Variants in CTNND2 observed in about 807,000 individuals in gnomAD.
CTNND2 encodes catenin delta 2, also known as catenin delta-2.
A neutral mutation model predicts 144.4 loss-of-function variants in CTNND2; 22 were observed. The ratio of observed to expected loss-of-function variants is 0.15; its 90% CI spans 0.11 to 0.22. The LOEUF (loss-of-function observed/expected upper bound fraction) is 0.22. CTNND2 is among the 10% of genes least tolerant of loss of function. CTNND2 has a pLI of 1.00. For synonymous variants in CTNND2, 751 were observed against 695.6 expected (o/e 1.08, Z -1.25); for missense variants, 1,353 against 1,618.8 (o/e 0.84, Z 2.82).
intron 17 of CTNND2, 147 bp downstream of exon 17, chr5:11,022,622 G>A (rs1411198304): frequency 1.5e-6 from 1 of 666,548 alleles, no homozygotes; most frequent in East Asian, 2.7e-5. Context: ...GAGAAGACTG[G>A]AAACCATTTG....
At chr5:11,240,386 T>TCACACACACACCCAACA (rs1211603571) in intron 9 of CTNND2, among the ~76,000 whole-genome samples, 1 of 93,834 alleles carries the variant, frequency 1.1e-5, no homozygotes, top group Non-Finnish European at 2.0e-5. Flanking sequence ...ACACATACAC[T>TCACACACACACCCAACA]CACACACCCA....
intron 15 of CTNND2, among the ~76,000 whole-genome samples, chr5:11,097,040 A>C (rs991474989): frequency 2.6e-5 from 4 of 152,174 alleles, no homozygotes; most frequent in Non-Finnish European, 5.9e-5. Flanking sequence ...CCATCCTTGC[A>C]TCCAGCGTTG....
At chr5:11,668,205 C>G (rs1024019920) in intron 2 of CTNND2, among the ~76,000 whole-genome samples, 6 of 152,112 alleles carry the variant, frequency 3.9e-5, no homozygotes, top group Admixed American at 3.3e-4. Context: ...GCATGATGCC[C>G]TAGCTTTGTT....
At position 11,832,075 on chromosome 5, in the gene CTNND2, A is replaced by G. The variant is rs149706774; in HGVS notation, c.37+71742T>C. Among the ~76,000 whole-genome samples the G allele has an allele frequency of 5.7e-3, 862 of 152,096 alleles. 8 individuals are homozygous for G. Among genetic ancestry groups the G allele is most frequent in the African/African-American group, 0.019 (796 of 41,478 alleles). ...TAGACAGGTGGATCATGAGGTCAAG[A>G]GATCGAGACCATCCTGGCTAACATG... On this transcript the variant is annotated intron_variant, in intron 1 of 21. Transcript: ENST00000304623.
intron 3 of CTNND2, among the ~76,000 whole-genome samples, chr5:11,471,103 G>A (rs1767188539): frequency 6.6e-6 from 1 of 150,628 alleles, no homozygotes; most frequent in South Asian, 2.1e-4. Context: ...TCAGCCTCCT[G>A]AGTAGCGGGG....
At chr5:11,306,658 G>C in intron 9 of CTNND2, among the ~76,000 whole-genome samples, 1 of 152,110 alleles carries the variant, frequency 6.6e-6, no homozygotes, top group Admixed American at 6.5e-5. Flanking sequence ...GTTATGCAAG[G>C]CCCAACTATC....
chr5:11,789,454 G>A (rs926548426), intron 1 of CTNND2, among the ~76,000 whole-genome samples: 2 of 151,944 alleles, frequency 1.3e-5, no homozygotes, highest in East Asian at 1.9e-4. Flanking sequence ...GCATATTTTT[G>A]TTAGGATTTT....
At chr5:11,312,330 A>T (rs1751061721) in intron 9 of CTNND2, among the ~76,000 whole-genome samples, 1 of 151,760 alleles carries the variant, frequency 6.6e-6, no homozygotes, top group African/African-American at 2.4e-5. Flanking sequence ...TGATAAAGAC[A>T]TACCCAAGAC....
chr5:11,750,736 T>C (rs1436282428), intron 1 of CTNND2, among the ~76,000 whole-genome samples: 1 of 151,824 alleles, frequency 6.6e-6, no homozygotes, highest in Non-Finnish European at 1.5e-5. Context: ...TTTTATTATA[T>C]TTTAAAAATT....
chr5:11,434,885 T>C (rs1017536976), intron 3 of CTNND2, among the ~76,000 whole-genome samples: 2 of 152,116 alleles, frequency 1.3e-5, no homozygotes, highest in African/African-American at 4.8e-5. Flanking sequence ...TCCAAGTAAA[T>C]AGATTATGTA....
At position 11,562,912 on chromosome 5, in the gene CTNND2, A is replaced by G. The variant is rs61763050; in HGVS notation, c.287+2032T>C. 3.3e-5 allele frequency among the ~76,000 whole-genome samples: 5 copies of G among 152,342 alleles called. No individual in the cohort carries two copies. The East Asian group carries it at 9.6e-4, about 29-fold the overall frequency. ...TAGGCAGCCAGTCCTAATGAAAACT[A>G]TACGGCTCTCACTGACTTTCAGGGC... On this transcript the variant is annotated intron_variant, in intron 3 of 21. Coordinates refer to ENST00000304623, the MANE Select transcript of CTNND2 (RefSeq NM_001332.4).
At chr5:11,499,975 T>C (rs1383298289) in intron 3 of CTNND2, among the ~76,000 whole-genome samples, 1 of 152,170 alleles carries the variant, frequency 6.6e-6, no homozygotes, top group Non-Finnish European at 1.5e-5. Flanking sequence ...CAGGTAGAGA[T>C]AAGTGATCTT....
intron 2 of CTNND2, among the ~76,000 whole-genome samples, chr5:11,575,631 A>G (rs1002129194): frequency 6.6e-6 from 1 of 152,192 alleles, no homozygotes; most frequent in African/African-American, 2.4e-5. Flanking sequence ...CTAAATATCC[A>G]TATCAATGGA....
chr5:11,830,411 C>T (rs1793833637), intron 1 of CTNND2, among the ~76,000 whole-genome samples: 1 of 152,168 alleles, frequency 6.6e-6, no homozygotes, highest in African/African-American at 2.4e-5. Context: ...GGGGGCAAGT[C>T]TTTCCCGTGC....
chr5:11,246,636 G>T (rs1197787595), intron 9 of CTNND2, among the ~76,000 whole-genome samples: 7 of 144,338 alleles, frequency 4.8e-5, no homozygotes, highest in African/African-American at 1.8e-4. Context: ...CTTTGCTATG[G>T]CCACCACCAG....
At chr5:11,414,545 T>A (rs1439666372) in intron 3 of CTNND2, among the ~76,000 whole-genome samples, 1 of 152,138 alleles carries the variant, frequency 6.6e-6, no homozygotes, top group Non-Finnish European at 1.5e-5. Context: ...GCCAAACAGC[T>A]CCTAAGGATC....
chr5:11,098,667 G>T lies in CTNND2; in HGVS notation c.2545C>A (p.Pro849Thr). The T allele has an allele frequency of 6.2e-7, 1 of 1,614,168 alleles. No individual in the cohort carries two copies. Residue 849 changes from proline (P) to threonine (T), a missense_variant, in exon 15 of 22, where the codon CCC becomes ACC. Physicochemically the swap from Pro to Thr is conservative, Grantham distance 38 (BLOSUM62 -1). This residue lies in a region of CTNND2 where 459 missense variants were observed against 674.3 expected (regional missense o/e 0.68). Coordinates refer to ENST00000304623, the MANE Select transcript of CTNND2 (RefSeq NM_001332.4). ...CACTCAGAGAGCAGTGTGAGGTAGG[G>T]TTTGACTATTGATGGGTGCCACAGC... ...QMLWHPSIVK[P>T]YLTLLSECSN...
chr5:11,239,725 T>C (rs1742014653), intron 9 of CTNND2, among the ~76,000 whole-genome samples: 1 of 152,156 alleles, frequency 6.6e-6, no homozygotes, highest in Non-Finnish European at 1.5e-5. Flanking sequence ...GCTCCTGTCC[T>C]CCTGTCCCCT....
chr5:11,289,945 G>T (rs1748145459), intron 9 of CTNND2, among the ~76,000 whole-genome samples: 1 of 152,198 alleles, frequency 6.6e-6, no homozygotes, highest in African/African-American at 2.4e-5. Flanking sequence ...GTCACCAGAA[G>T]GTGGGGCACT....
Sources: gnomAD v4.1 joint callset for allele counts (sites outside exome capture counted in the v4.1 genomes callset) on GRCh38, gnomAD v4.1.1 for gene constraint, gnomAD v4.1.1 regional missense constraint, MANE v1.5 for transcripts, NCBI Gene and HGNC (gene_info 2026-07-23, HGNC 2026-07-21) for gene names.